Variants in SLC38A8 observed in about 807,000 individuals in gnomAD.
The protein encoded by SLC38A8 is solute carrier family 38 member 8.
In SLC38A8, 65 loss-of-function variants were observed where a neutral mutation model predicts 46.0. That is an observed-to-expected ratio of 1.41 (90% CI 1.16 to 1.74). SLC38A8 has a LOEUF of 1.74. SLC38A8 is among the 40% of genes most tolerant of loss of function. SLC38A8 has a pLI of 0.00. For missense variants in SLC38A8, 998 were observed against 567.9 expected (o/e 1.76, Z -7.70); for synonymous variants, 447 against 243.7 (o/e 1.83, Z -7.77).
At chr16:84,023,898 G>C (rs1198801391) in intron 6 of SLC38A8, among the ~76,000 whole-genome samples, 2 of 152,152 alleles carry the variant, frequency 1.3e-5, no homozygotes, top group Non-Finnish European at 2.9e-5. Flanking sequence ...TGTCTCAAAA[G>C]AAAAACAAGC....
intron 9 of SLC38A8, among the ~76,000 whole-genome samples, chr16:84,015,314 G>T (rs1018621287): frequency 1.3e-5 from 2 of 152,034 alleles, no homozygotes; most frequent in African/African-American, 4.8e-5. Context: ...CCACCTTGCT[G>T]GCTTCCCCTT....
chr16:84,022,831 C>T lies in SLC38A8; in HGVS notation c.749G>A (p.Trp250Ter). The T allele has an allele frequency of 6.2e-7, 1 of 1,613,210 alleles. No individual in the cohort carries two copies. Among genetic ancestry groups the T allele is most frequent in the Non-Finnish European group, 8.5e-7 (1 of 1,179,626 alleles). The change falls in exon 7 of 11, where the codon TGG becomes TAG. Residue 250 changes from tryptophan (W) to a stop codon, truncating the protein, a stop_gained. Coordinates refer to ENST00000299709, the MANE Select transcript of SLC38A8 (RefSeq NM_001080442.3). LOFTEE classifies it high-confidence loss of function. Reference sequence around the variant, plus strand: ...CAAGGACAGCACAGACACCAGGGCCCAGTGGGAGAGGCTCCGTTTGCGCAT... The same window carrying T: ...CAAGGACAGCACAGACACCAGGGCCTAGTGGGAGAGGCTCCGTTTGCGCAT... The part of the protein sequence containing the change: ...CSMRKRSLSH[W>*]ALVSVLSLLA...
At chr16:84,012,230 G>C (rs534992213) in intron 10 of SLC38A8, among the ~76,000 whole-genome samples, 2 of 152,334 alleles carry the variant, frequency 1.3e-5, no homozygotes, top group East Asian at 3.9e-4. Context: ...GAGTCACCCA[G>C]AACCCCAGAC....
chr16:84,026,039 C>G (rs1013439571), intron 6 of SLC38A8, among the ~76,000 whole-genome samples: 1 of 152,258 alleles, frequency 6.6e-6, no homozygotes, highest in African/African-American at 2.4e-5. Context: ...ACCTCAGCCC[C>G]ATGGCAGGCT....
chr16:84,023,301 G>A (rs1315574218), intron 6 of SLC38A8, among the ~76,000 whole-genome samples: 7 of 152,076 alleles, frequency 4.6e-5, no homozygotes, highest in East Asian at 1.9e-4. Flanking sequence ...ATGGGAAAAG[G>A]GTACAGGAGC....
intron 3 of SLC38A8, among the ~76,000 whole-genome samples, chr16:84,034,070 G>A (rs1185603694): frequency 2.6e-5 from 4 of 152,218 alleles, no homozygotes; most frequent in African/African-American, 9.7e-5. Flanking sequence ...CTGGTCTGGA[G>A]GAACCCTGAT....
intron 9 of SLC38A8, among the ~76,000 whole-genome samples, chr16:84,013,446 T>TGTTG (rs1164317229): frequency 7.0e-6 from 1 of 142,620 alleles, no homozygotes; most frequent in Non-Finnish European, 1.5e-5. Flanking sequence ...TTTTTTTTTT[T>TGTTG]TTTGAGACGG....
Position 84,042,103 on chromosome 16 carries a change from T to C in SLC38A8, c.55A>G (p.Thr19Ala). ...RGLPEKPHPA[T>A]AAATLSSMGA... ...ATCGAGGACAGAGTGGCAGCAGCCGTGGCAGGGTGAGGCTTTTCTGGAAGG... is the reference window on the plus strand; with the variant it reads ...ATCGAGGACAGAGTGGCAGCAGCCGCGGCAGGGTGAGGCTTTTCTGGAAGG... Residue 19 changes from threonine (T) to alanine (A), a missense_variant, in exon 2 of 11, where the codon ACG becomes GCG. Transcript: ENST00000299709. 6 of 1,613,928 alleles carry C rather than the reference T, an allele frequency of 3.7e-6. No individual in the cohort carries two copies. Among genetic ancestry groups the C allele is most frequent in the Non-Finnish European group, 5.1e-6 (6 of 1,179,950 alleles).
intron 10 of SLC38A8, among the ~76,000 whole-genome samples, 166 bp from the exon 11 acceptor site, chr16:84,010,043 A>G (rs2084936238): frequency 2.0e-5 from 3 of 151,278 alleles, no homozygotes. Flanking sequence ...TTTCCAAGAC[A>G]ATGGGAAGCA....
At chr16:84,015,828 C>G (rs887442521) in intron 9 of SLC38A8, among the ~76,000 whole-genome samples, 10 of 152,180 alleles carry the variant, frequency 6.6e-5, no homozygotes, top group African/African-American at 2.4e-4. Flanking sequence ...GCCTAAGCCT[C>G]CTGAGTAGCT....
chr16:84,041,258 T>TGTGTGGGGA (rs1360200851), intron 2 of SLC38A8: 2 of 152,324 alleles, frequency 1.3e-5, no homozygotes, highest in African/African-American at 4.8e-5. Context: ...GGCCCGGCTC[T>TGTGTGGGGA]GTGTGGGGAG....
rs575070779 is a variant in SLC38A8, at chr16:84,017,201, C to G, written c.892G>C (p.Ala298Pro). The G allele has an allele frequency of 1.2e-6, 2 of 1,614,122 alleles. No individual in the cohort carries two copies. The highest frequency in any genetic ancestry group is 2.2e-5 in the South Asian group (2 of 91,078). The change falls in exon 8 of 11, where the codon GCC becomes CCC. Residue 298 changes from alanine (A) to proline (P), a missense_variant. Coordinates refer to ENST00000299709, the MANE Select transcript of SLC38A8 (RefSeq NM_001080442.3). ...ATGGAGACAGCAAAAAGGACCCGGG[C>G]CACAATGATGACCATATCATTGCCT... ...YPGNDMVIIVARVLFAVSIVT... is the reference protein window; with the variant it reads ...YPGNDMVIIVPRVLFAVSIVT...
Position 84,038,721 on chromosome 16 carries a change from C to G in SLC38A8, c.190-1821G>C, listed in dbSNP as rs553611948. Among the ~76,000 whole-genome samples, 76 of 152,322 alleles carry G rather than the reference C, an allele frequency of 5.0e-4. 2 individuals are homozygous for G. In the South Asian group the frequency reaches 0.015, roughly 31 times the overall value. On this transcript the variant is annotated intron_variant, in intron 2 of 10. Transcript: ENST00000299709. ...CCGGACGGTGCCACGAGTCCCACTT[C>G]TGTCTCCCTCCCATCCCCAGAAGAA... is the stretch of plus-strand genomic sequence containing the variant.
intron 9 of SLC38A8, 60 bp downstream of exon 9, chr16:84,016,457 TCC>T: frequency 6.4e-7 from 1 of 1,562,326 alleles, no homozygotes; most frequent in Non-Finnish European, 8.7e-7. Context: ...ACACTGGGAG[TCC>T]CCACAGAGAT....
At chr16:84,012,553 G>A (rs2151111385) in intron 10 of SLC38A8, among the ~76,000 whole-genome samples, 1 of 152,334 alleles carries the variant, frequency 6.6e-6, no homozygotes, top group African/African-American at 2.4e-5. Flanking sequence ...ATGGTGGGGA[G>A]GTGAACATGT....
intron 6 of SLC38A8, among the ~76,000 whole-genome samples, chr16:84,025,165 T>TC (rs2085147122): frequency 6.6e-6 from 1 of 152,138 alleles, no homozygotes; most frequent in Non-Finnish European, 1.5e-5. Flanking sequence ...GGGATGCTTT[T>TC]TCCGGACACA....
At chr16:84,014,977 A>G (rs1255785893) in intron 9 of SLC38A8, among the ~76,000 whole-genome samples, 1 of 152,140 alleles carries the variant, frequency 6.6e-6, no homozygotes, top group East Asian at 1.9e-4. Flanking sequence ...GAAGACCTGT[A>G]AGAGCCTCTA....
chr16:84,036,733 G>T lies in SLC38A8; in HGVS notation c.357C>A (p.Phe119Leu). The change falls in exon 3 of 11, where the codon TTC becomes TTA. Residue 119 changes from phenylalanine (F) to leucine (L), a missense_variant. Transcript: ENST00000299709. ...LLNLLMISVA[F>L]LRVIGDQLEK... Reference sequence around the variant, plus strand: ...CCAGCTGGTCCCCGATCACCCTGAGGAAGGCCACGGAGATCATGAGCAGGT... The same window carrying T: ...CCAGCTGGTCCCCGATCACCCTGAGTAAGGCCACGGAGATCATGAGCAGGT... 1.2e-6 allele frequency: 2 copies of T among 1,614,220 alleles called. No individual in the cohort carries two copies. The highest frequency in any genetic ancestry group is 1.1e-5 in the South Asian group (1 of 91,090).
chr16:84,022,263 G>A (rs1027450935), intron 7 of SLC38A8, among the ~76,000 whole-genome samples: 1 of 152,190 alleles, frequency 6.6e-6, no homozygotes, highest in African/African-American at 2.4e-5. Flanking sequence ...GCCGTGCCAG[G>A]GACCTGGGAC....
Sources: gnomAD v4.1 joint callset for allele counts (sites outside exome capture counted in the v4.1 genomes callset) on GRCh38, gnomAD v4.1.1 for gene constraint, MANE v1.5 for transcripts, NCBI Gene and HGNC (gene_info 2026-07-23, HGNC 2026-07-21) for gene names.